ELAVL4: variants seen among roughly 807,000 people sequenced by gnomAD.
ELAVL4 encodes ELAV-like protein 4.
In ELAVL4, 1 loss-of-function variant was observed where a neutral mutation model predicts 35.6. The ratio of observed to expected loss-of-function variants is 0.03; its 90% CI spans 0.01 to 0.13. The LOEUF (loss-of-function observed/expected upper bound fraction) is 0.13. ELAVL4 is among the 10% of genes least tolerant of loss of function. The pLI, the probability that ELAVL4 is intolerant of heterozygous loss-of-function variation, is 1.00. For missense variants in ELAVL4, 267 were observed against 464.9 expected, an observed-to-expected ratio of 0.57 and a Z score of 3.91; for synonymous variants, 156 against 171.0, an observed-to-expected ratio of 0.91 and a Z score of 0.69.
intron 2 of ELAVL4, among the ~76,000 whole-genome samples, chr1:50,169,429 A>G (rs983542871): frequency 5.3e-5 from 8 of 151,348 alleles, no homozygotes; most frequent in African/African-American, 1.9e-4. Context: ...TCGCAACTCC[A>G]CCCCCTACAC....
intron 3 of ELAVL4, chr1:50,180,321 G>A (rs1349219031): frequency 6.6e-6 from 1 of 152,110 alleles, no homozygotes; most frequent in Non-Finnish European, 1.5e-5. Flanking sequence ...GCTCATTGGT[G>A]CATTTTAGAT....
intron 1 of ELAVL4, among the ~76,000 whole-genome samples, chr1:50,115,787 G>A (rs6662979): frequency 3.9e-5 from 6 of 152,056 alleles, no homozygotes; most frequent in Non-Finnish European, 8.8e-5. Flanking sequence ...TTCCTTGTTG[G>A]GTGAAGATGT....
chr1:50,141,261 G>C (rs1401265799), intron 1 of ELAVL4, among the ~76,000 whole-genome samples: 1 of 152,158 alleles, frequency 6.6e-6, no homozygotes, highest in African/African-American at 2.4e-5. Flanking sequence ...CTTGGTGTGG[G>C]ATATTTTCTA....
upstream of ELAVL4, among the ~76,000 whole-genome samples, chr1:50,107,682 A>G (rs1057315484): frequency 6.6e-6 from 1 of 152,222 alleles, no homozygotes; most frequent in Non-Finnish European, 1.5e-5. Flanking sequence ...GTATTTGGTA[A>G]TATGTGTTAC....
At chr1:50,083,242 T>C (rs1419355924) in intron 1 of ELAVL4, among the ~76,000 whole-genome samples, 2 of 152,078 alleles carry the variant, frequency 1.3e-5, no homozygotes, top group Non-Finnish European at 2.9e-5. Flanking sequence ...ATTTTTTTTA[T>C]TTTTTGAGAC....
At chr1:50,118,983 A>AGG (rs1355780848) in intron 1 of ELAVL4, among the ~76,000 whole-genome samples, 3 of 147,398 alleles carry the variant, frequency 2.0e-5, no homozygotes, top group African/African-American at 7.5e-5. Flanking sequence ...GGAGGGAGGG[A>AGG]GAGAGAGAGA....
At chr1:50,143,095 G>A (rs1673096034) in intron 1 of ELAVL4, among the ~76,000 whole-genome samples, 1 of 152,218 alleles carries the variant, frequency 6.6e-6, no homozygotes. Flanking sequence ...TTTGAGGGGT[G>A]AGGTAAATGA....
intron 1 of ELAVL4, among the ~76,000 whole-genome samples, chr1:50,133,651 G>GAAAGAAAGAAAGAGAA (rs1386510703): frequency 3.8e-4 from 35 of 91,950 alleles, no homozygotes; most frequent in African/African-American, 1.1e-3. Flanking sequence ...AAGAAAGAAA[G>GAAAGAAAGAAAGAGAA]AGAAAGAAAG....
chr1:50,160,862 T>C (rs932787764), intron 2 of ELAVL4, among the ~76,000 whole-genome samples: 6 of 152,360 alleles, frequency 3.9e-5, no homozygotes, highest in Middle Eastern at 3.4e-3. Context: ...AATCCCAACA[T>C]GATATCAGGA....
At chr1:50,146,877 A>AG (rs1389209311) in intron 2 of ELAVL4, among the ~76,000 whole-genome samples, 1 of 152,092 alleles carries the variant, frequency 6.6e-6, no homozygotes, top group Admixed American at 6.6e-5. Context: ...AACTGTAGCG[A>AG]GATTTTTGAG....
chr1:50,102,627 G>A (rs1434480934), upstream of ELAVL4, among the ~76,000 whole-genome samples: 2 of 152,054 alleles, frequency 1.3e-5, no homozygotes, highest in Non-Finnish European at 2.9e-5. Context: ...ATCCTTTAAT[G>A]GTATGAATAG....
chr1:50,117,215 A>G (rs901155119), intron 1 of ELAVL4, among the ~76,000 whole-genome samples: 6 of 152,134 alleles, frequency 3.9e-5, no homozygotes, highest in African/African-American at 1.2e-4. Flanking sequence ...CTTAAAAGCA[A>G]CCTGCTTATT....
chr1:50,065,253 A>G (rs1664203852), intron 1 of ELAVL4, among the ~76,000 whole-genome samples: 1 of 152,204 alleles, frequency 6.6e-6, no homozygotes, highest in Non-Finnish European at 1.5e-5. Flanking sequence ...TTATTTATAG[A>G]AATGGCCTTT....
At chr1:50,074,715 ATAGGAATT>A (rs1481979866) in intron 1 of ELAVL4, among the ~76,000 whole-genome samples, 1 of 152,210 alleles carries the variant, frequency 6.6e-6, no homozygotes, top group Non-Finnish European at 1.5e-5. Flanking sequence ...TAAAGATGAA[ATAGGAATT>A]TGCCAGATGA....
At chr1:50,187,294 G>T (rs1310267157) in intron 3 of ELAVL4, among the ~76,000 whole-genome samples, 1 of 152,184 alleles carries the variant, frequency 6.6e-6, no homozygotes, top group East Asian at 1.9e-4. Context: ...TTGGTGTCTA[G>T]CATAAGGCCT....
chr1:50,181,695 T>TTTTGC (rs1337603304), intron 3 of ELAVL4, among the ~76,000 whole-genome samples: 1 of 152,024 alleles, frequency 6.6e-6, no homozygotes, highest in African/African-American at 2.4e-5. Context: ...TTTTGTTTTG[T>TTTTGC]TTTTTTAGAC....
intron 2 of ELAVL4, among the ~76,000 whole-genome samples, chr1:50,149,542 CTTT>C (rs754451042): frequency 7.9e-6 from 1 of 126,452 alleles, no homozygotes. Context: ...ATGCATTGTC[CTTT>C]TTTTTTTTTT....
At chr1:50,200,739 T>C in intron 6 of ELAVL4, 112 bp from the exon 7 acceptor site, 8 of 1,521,640 alleles carry the variant, frequency 5.3e-6, no homozygotes, top group Non-Finnish European at 7.0e-6. Context: ...CTGAAGACTC[T>C]CCTGTAAACA....
chr1:50,149,729 A>C (rs1674435306), intron 2 of ELAVL4, among the ~76,000 whole-genome samples: 1 of 151,900 alleles, frequency 6.6e-6, no homozygotes, highest in South Asian at 2.1e-4. Context: ...TTTTTAGTAG[A>C]GACAGGGTTT....
Sources: gnomAD v4.1 joint callset for allele counts (sites outside exome capture counted in the v4.1 genomes callset) on GRCh38, gnomAD v4.1.1 for gene constraint, MANE v1.5 for transcripts, NCBI Gene and HGNC (gene_info 2026-07-23, HGNC 2026-07-21) for gene names.